Variants in ASIC2 observed in about 807,000 individuals in gnomAD.
ASIC2 encodes acid-sensing ion channel 2.
In ASIC2, 25 loss-of-function variants were observed where a neutral mutation model predicts 57.3. The ratio of observed to expected loss-of-function variants is 0.44; its 90% confidence interval spans 0.32 to 0.61. The LOEUF (loss-of-function observed/expected upper bound fraction) is 0.61. ASIC2 is among the 20% of genes least tolerant of loss of function. ASIC2 has a pLI of 0.06. For synonymous variants in ASIC2, 319 were observed against 307.5 expected (o/e 1.04, Z -0.39); for missense variants, 641 against 738.1 (o/e 0.87, Z 1.52).
At chr17:33,417,128 C>T (rs879926030) in intron 1 of ASIC2, among the ~76,000 whole-genome samples, 2 of 152,142 alleles carry the variant, frequency 1.3e-5, no homozygotes, top group Non-Finnish European at 2.9e-5. Flanking sequence ...AGACAGGCCT[C>T]GAACACACAC....
intron 1 of ASIC2, among the ~76,000 whole-genome samples, chr17:33,326,803 CT>C (rs1907096405): frequency 6.6e-6 from 1 of 152,214 alleles, no homozygotes; most frequent in Non-Finnish European, 1.5e-5. Context: ...CCATTGCTGA[CT>C]TTTGGCAATT....
At chr17:33,431,339 G>A (rs146305365) in intron 1 of ASIC2, among the ~76,000 whole-genome samples, 212 of 152,276 alleles carry the variant, frequency 1.4e-3, no homozygotes, top group African/African-American at 5.0e-3. Context: ...AGGAGTGGTG[G>A]CTCACGCCTG....
At chr17:33,486,769 G>A (rs904668761) in intron 1 of ASIC2, among the ~76,000 whole-genome samples, 2 of 152,190 alleles carry the variant, frequency 1.3e-5, no homozygotes, top group Non-Finnish European at 2.9e-5. Context: ...ACAGGATGGG[G>A]GAATGTGCTA....
At chr17:33,769,911 G>A (rs114036542) in intron 1 of ASIC2, among the ~76,000 whole-genome samples, 2,441 of 152,276 alleles carry the variant, frequency 0.016, 60 homozygotes, top group African/African-American at 0.055. Flanking sequence ...GAGGACTCTA[G>A]TCCCATCAGG....
intron 1 of ASIC2, among the ~76,000 whole-genome samples, chr17:33,383,675 T>G (rs995993593): frequency 6.6e-6 from 1 of 152,234 alleles, no homozygotes; most frequent in African/African-American, 2.4e-5. Context: ...GCCTCTGCTC[T>G]TGGCCTGACA....
At chr17:33,712,557 G>A (rs1373207847) in intron 1 of ASIC2, among the ~76,000 whole-genome samples, 2 of 151,622 alleles carry the variant, frequency 1.3e-5, no homozygotes, top group Admixed American at 6.6e-5. Context: ...TGCAACCAAG[G>A]TGATGGCTGG....
chr17:33,048,958 T>C (rs1193212919), intron 3 of ASIC2, among the ~76,000 whole-genome samples: 2 of 152,220 alleles, frequency 1.3e-5, no homozygotes, highest in African/African-American at 4.8e-5. Context: ...TACCTTTTCA[T>C]CAGGGGCTCA....
intron 1 of ASIC2, among the ~76,000 whole-genome samples, chr17:33,929,267 C>T (rs1053940829): frequency 2.0e-5 from 3 of 152,114 alleles, no homozygotes; most frequent in Admixed American, 2.0e-4. Flanking sequence ...CCAGCCACTG[C>T]CCCCGACCGA....
At chr17:33,240,805 T>C (rs1049842234) in intron 1 of ASIC2, among the ~76,000 whole-genome samples, 1 of 152,106 alleles carries the variant, frequency 6.6e-6, no homozygotes, top group Non-Finnish European at 1.5e-5. Flanking sequence ...ATCAAGATGC[T>C]CTTAGGGACC....
intron 1 of ASIC2, among the ~76,000 whole-genome samples, chr17:33,451,742 C>A (rs1487198654): frequency 6.6e-6 from 1 of 152,202 alleles, no homozygotes; most frequent in Non-Finnish European, 1.5e-5. Context: ...AGTGGCATAT[C>A]CTCAATGGTG....
At chr17:33,679,993 C>G (rs192372237) in intron 1 of ASIC2, among the ~76,000 whole-genome samples, 2 of 152,170 alleles carry the variant, frequency 1.3e-5, no homozygotes, top group African/African-American at 4.8e-5. Flanking sequence ...GTTACAGAAA[C>G]AGAGGGCAGC....
intron 1 of ASIC2, among the ~76,000 whole-genome samples, chr17:33,570,928 C>T (rs1195243897): frequency 6.6e-6 from 1 of 152,190 alleles, no homozygotes. Flanking sequence ...CTCTGGAACT[C>T]ACCCAACATC....
intron 1 of ASIC2, among the ~76,000 whole-genome samples, chr17:33,335,312 T>C (rs543743175): frequency 1.8e-4 from 28 of 152,292 alleles, no homozygotes; most frequent in African/African-American, 6.0e-4. Context: ...AGTATAGTAA[T>C]AATGAAGGCT....
At chr17:33,897,449 G>A (rs1236594235) in intron 1 of ASIC2, among the ~76,000 whole-genome samples, 2 of 152,214 alleles carry the variant, frequency 1.3e-5, no homozygotes, top group South Asian at 2.1e-4. Context: ...CCATAACATA[G>A]CACAGCATCT....
Position 34,084,906 on chromosome 17 carries a change from T to C in ASIC2, c.555+71072A>G, listed in dbSNP as rs560427023. 2.9e-3 allele frequency among the ~76,000 whole-genome samples: 439 copies of C among 152,370 alleles called. 3 individuals are homozygous for C. Among genetic ancestry groups the C allele is most frequent in the African/African-American group, 0.01 (418 of 41,582 alleles). ...TTGATTTTGTATCCTGAGACTTTGC[T>C]GAAGTTGCCTATCAGCTTAAGGAGA... is the stretch of plus-strand genomic sequence containing the variant. On this transcript the variant is annotated intron_variant, in intron 1 of 9. Transcript: ENST00000359872.
intron 1 of ASIC2, among the ~76,000 whole-genome samples, chr17:34,014,249 G>C (rs1164860342): frequency 6.6e-6 from 1 of 152,210 alleles, no homozygotes; most frequent in Non-Finnish European, 1.5e-5. Context: ...CTACAGGAGA[G>C]GAAATCAAGG....
At chr17:33,306,685 C>T (rs1906191745) in intron 1 of ASIC2, among the ~76,000 whole-genome samples, 1 of 152,176 alleles carries the variant, frequency 6.6e-6, no homozygotes, top group South Asian at 2.1e-4. Flanking sequence ...AGAGCTTACT[C>T]TGTTATTATA....
Position 33,356,565 on chromosome 17 carries a change from A to G in ASIC2, c.556-244498T>C, listed in dbSNP as rs973383607. ...CCATAATTACTATCTTCTGTGTGCC[A>G]CCTGGATGGAGCAGGAAGGGGAACT... On this transcript the variant is annotated intron_variant, in intron 1 of 9. Coordinates refer to the ASIC2 transcript ENST00000359872. Among the ~76,000 whole-genome samples, 3 of 152,078 alleles carry G rather than the reference A, an allele frequency of 2.0e-5. No homozygotes were observed. In the East Asian group the frequency reaches 5.8e-4, roughly 29 times the overall value.
At chr17:33,126,417 G>A (rs1267136684) in intron 1 of ASIC2, among the ~76,000 whole-genome samples, 1 of 152,174 alleles carries the variant, frequency 6.6e-6, no homozygotes, top group African/African-American at 2.4e-5. Context: ...TTTTTCATGT[G>A]TCGAATGGCC....
Sources: allele counts gnomAD v4.1 joint callset (sites outside exome capture counted in the v4.1 genomes callset), GRCh38; gene constraint gnomAD v4.1.1; transcripts MANE v1.5; gene names NCBI Gene and HGNC (gene_info 2026-07-23, HGNC 2026-07-21).